TINAG: variants seen among roughly 807,000 people sequenced by gnomAD.
TINAG encodes tubulointerstitial nephritis antigen.
Under a neutral mutation model 72.7 loss-of-function variants are expected in TINAG, and 83 were observed. The ratio of observed to expected loss-of-function variants is 1.14; its 90% CI spans 0.96 to 1.37. The LOEUF is 1.37. TINAG is among the 40% of genes most tolerant of loss of function. The pLI is 0.00. For missense variants in TINAG, 685 were observed against 576.6 expected (o/e 1.19, Z -1.93); for synonymous variants, 234 against 189.9 (o/e 1.23, Z -1.91).
chr6:54,353,574 T>C (rs1428000510), intron 8 of TINAG, among the ~76,000 whole-genome samples: 2 of 151,742 alleles, frequency 1.3e-5, no homozygotes, highest in African/African-American at 4.8e-5. Context: ...TGTTTTAGAG[T>C]AGATAAAGAA....
intron 6 of TINAG, among the ~76,000 whole-genome samples, chr6:54,349,091 C>A (rs1056019429): frequency 6.6e-6 from 1 of 151,876 alleles, no homozygotes; most frequent in Admixed American, 6.6e-5. Flanking sequence ...AAATCATTTT[C>A]TCTTTTAGAT....
At chr6:54,351,162 T>G (rs1785256175) in intron 7 of TINAG, among the ~76,000 whole-genome samples, 190 bp from the exon 8 acceptor site, 1 of 152,054 alleles carries the variant, frequency 6.6e-6, no homozygotes, top group South Asian at 2.1e-4. Flanking sequence ...ATTTACTATT[T>G]AGTGATAAAT....
At chr6:54,358,534 C>CA (rs34091915) in intron 9 of TINAG, among the ~76,000 whole-genome samples, 15,912 of 112,776 alleles carry the variant, frequency 0.14, 1,545 homozygotes, top group East Asian at 0.31. Context: ...AGTTATTCGT[C>CA]AAAAAAAAAA....
upstream of TINAG, among the ~76,000 whole-genome samples, chr6:54,308,278 G>A (rs969570325): frequency 2.6e-5 from 4 of 152,094 alleles, no homozygotes; most frequent in Non-Finnish European, 5.9e-5. Flanking sequence ...TAGATATTTT[G>A]ATGATGCATA....
intron 1 of TINAG, among the ~76,000 whole-genome samples, chr6:54,313,295 T>A (rs1784300211): frequency 6.6e-6 from 1 of 152,162 alleles, no homozygotes; most frequent in African/African-American, 2.4e-5. Flanking sequence ...CCAGGATTAG[T>A]TAGGGATCGT....
Position 54,381,006 on chromosome 6 carries a change from A to G in TINAG, c.1296+435A>G, listed in dbSNP as rs138627612. Reference sequence around the variant, plus strand: ...ATATATATATATATTTATATGGCATATATATTTAGATGGCAATGAACTTGA... The same window carrying G: ...ATATATATATATATTTATATGGCATGTATATTTAGATGGCAATGAACTTGA... On this transcript the variant is annotated intron_variant, in intron 10 of 10. Transcript: ENST00000259782. Among the ~76,000 whole-genome samples, 1,265 of 148,020 alleles carry G rather than the reference A, an allele frequency of 8.5e-3. 20 individuals carry two copies. The highest frequency in any genetic ancestry group is 0.03 in the African/African-American group (1,202 of 40,504).
At chr6:54,376,399 C>T (rs946792560) in intron 9 of TINAG, among the ~76,000 whole-genome samples, 1 of 152,000 alleles carries the variant, frequency 6.6e-6, no homozygotes, top group Non-Finnish European at 1.5e-5. Context: ...AGATTCTGTG[C>T]TTACCTTAAA....
intron 9 of TINAG, among the ~76,000 whole-genome samples, chr6:54,379,762 T>C (rs9474826): frequency 6.6e-6 from 1 of 152,024 alleles, no homozygotes; most frequent in African/African-American, 2.4e-5. Context: ...CCTCCTTTTT[T>C]AATCTAATTT....
intron 4 of TINAG, among the ~76,000 whole-genome samples, chr6:54,338,443 C>T (rs1391450598): frequency 3.3e-5 from 5 of 151,974 alleles, no homozygotes; most frequent in Non-Finnish European, 7.4e-5. Flanking sequence ...CTAGTTTGGC[C>T]GGGAGGTGTG....
At chr6:54,359,611 T>C (rs1185442139) in intron 9 of TINAG, among the ~76,000 whole-genome samples, 1 of 151,876 alleles carries the variant, frequency 6.6e-6, no homozygotes, top group Non-Finnish European at 1.5e-5. Context: ...GTTGCAATAG[T>C]GAATTCACTT....
chr6:54,341,339 C>T (rs367657342), intron 4 of TINAG, among the ~76,000 whole-genome samples: 2 of 152,112 alleles, frequency 1.3e-5, no homozygotes, highest in East Asian at 3.8e-4. Context: ...TATTCTGCCC[C>T]AACCCTAAGA....
intron 9 of TINAG, among the ~76,000 whole-genome samples, chr6:54,372,520 G>T (rs1305225056): frequency 6.6e-6 from 1 of 151,778 alleles, no homozygotes; most frequent in Non-Finnish European, 1.5e-5. Flanking sequence ...CAGAGATTTG[G>T]GGGTGAAGGG....
Position 54,343,224 on chromosome 6 carries a change from A to G in TINAG, c.625-2A>G, listed in dbSNP as rs201570657. ...ATATATGTACCTCTTCTTCCTCTTT[A>G]GGCTTCTTTACCTGCAACAACTGAT... On this transcript the variant is annotated splice_acceptor_variant, in intron 4 of 10. Transcript: ENST00000259782. LOFTEE classifies it high-confidence loss of function. 5.9e-5 allele frequency: 92 copies of G among 1,552,090 alleles called. 2 individuals are homozygous for G. Among genetic ancestry groups the G allele is most frequent in the East Asian group, 3.8e-4 (16 of 42,414 alleles).
At chr6:54,357,730 C>A (rs1351744276) in intron 9 of TINAG, among the ~76,000 whole-genome samples, 2 of 152,054 alleles carry the variant, frequency 1.3e-5, no homozygotes, top group Middle Eastern at 3.4e-3. Flanking sequence ...GCCTAAGCCA[C>A]CATTGCCTGT....
rs574684360 is a variant in TINAG, at chr6:54,355,357, T to C, written c.1250+721T>C. On this transcript the variant is annotated intron_variant, in intron 9 of 10. Transcript: ENST00000259782. Reference sequence around the variant, plus strand: ...CATATTGCATATTATGGTAAATAACTTCATTCCCATTGAACATGTCTTTAA... The same window carrying C: ...CATATTGCATATTATGGTAAATAACCTCATTCCCATTGAACATGTCTTTAA... Among the ~76,000 whole-genome samples, 15 of 151,962 alleles carry C rather than the reference T, an allele frequency of 9.9e-5. No individual in the cohort carries two copies. The South Asian group carries it at 3.1e-3, about 31-fold the overall frequency.
intron 1 of TINAG, among the ~76,000 whole-genome samples, chr6:54,309,904 G>T (rs1282931886): frequency 3.4e-5 from 5 of 148,638 alleles, no homozygotes; most frequent in African/African-American, 1.2e-4. Flanking sequence ...CATCTTGTTT[G>T]TAAAATTGAG....
At chr6:54,355,625 G>A (rs1000178297) in intron 9 of TINAG, among the ~76,000 whole-genome samples, 1 of 151,606 alleles carries the variant, frequency 6.6e-6, no homozygotes, top group Non-Finnish European at 1.5e-5. Context: ...CTGATTTCAT[G>A]AATATGAAAA....
At chr6:54,308,369 C>G (rs1425933848), upstream of TINAG, 3 of 642,714 alleles carry the variant, frequency 4.7e-6, no homozygotes, top group Non-Finnish European at 5.3e-6. Flanking sequence ...TTATCTTGGT[C>G]AAACATTGAA....
rs143165704 is a variant in TINAG at position 54,368,739 on chromosome 6, TA to T, written c.1251-11781del. Among the ~76,000 whole-genome samples the T allele has an allele frequency of 8.8e-3, 1,339 of 151,754 alleles. 28 individuals carry two copies. The highest frequency in any genetic ancestry group is 0.053 in the East Asian group (273 of 5,158). On this transcript the variant is annotated intron_variant, in intron 9 of 10. Coordinates refer to ENST00000259782, the MANE Select transcript of TINAG (RefSeq NM_014464.4). ...TCTTGTTTATTTTTCCAAGTGAGAT[TA>T]AAAAACAAAACAAAAACCTCAGAAC...
Sources: gnomAD v4.1 joint callset for allele counts (sites outside exome capture counted in the v4.1 genomes callset) on GRCh38, gnomAD v4.1.1 for gene constraint, MANE v1.5 for transcripts, NCBI Gene and HGNC (gene_info 2026-07-23, HGNC 2026-07-21) for gene names.